The following FBXL2 variants were observed in gnomAD, a reference collection of about 807,000 sequenced individuals.
The protein encoded by FBXL2 is F-box and leucine rich repeat protein 2.
A neutral mutation model predicts 69.2 loss-of-function variants in FBXL2; 38 were observed. The observed-to-expected ratio is 0.55, with a 90% CI of 0.42 to 0.72. The LOEUF is 0.72. FBXL2 is among the 30% of genes least tolerant of loss of function. The pLI, the probability that FBXL2 is intolerant of heterozygous loss-of-function variation, is 0.00. For missense variants in FBXL2, 354 were observed against 520.3 expected (o/e 0.68, Z 3.11); for synonymous variants, 192 against 201.3 (o/e 0.95, Z 0.39).
At position 33,386,126 on chromosome 3, in the gene FBXL2, G is replaced by GTT. The variant is rs2154052762; in HGVS notation, c.*521_*522dup. The GTT allele has an allele frequency of 6.0e-6, 1 of 165,862 alleles. No homozygotes were observed. Among genetic ancestry groups the GTT allele is most frequent in the South Asian group, 1.4e-4 (1 of 7,128 alleles). 10.3% of individuals were successfully genotyped at this position (165,862 alleles called of 1,614,324 possible). A position where few individuals can be genotyped will look rare whatever the true frequency, so the allele number is the denominator to read the frequency against. On this transcript the variant is annotated 3_prime_UTR_variant, in exon 15 of 15. Coordinates refer to ENST00000484457, the MANE Select transcript of FBXL2 (RefSeq NM_012157.5). The stretch of plus-strand genomic sequence containing the variant: ...GCAAATTAATTCATAATGCCTGATA[G>GTT]TTTTATATATAGAGACTTATGTGGA...
intron 12 of FBXL2, among the ~76,000 whole-genome samples, chr3:33,395,704 A>T (rs2043952359): frequency 1.4e-5 from 2 of 143,660 alleles, no homozygotes; most frequent in South Asian, 4.6e-4. Context: ...ACTGTTGCAC[A>T]TATGTTATGC....
chr3:33,419,324 G>A, the FBXL2 span, among the ~76,000 whole-genome samples: 163 of 152,056 alleles, frequency 1.1e-3, 1 homozygote, highest in African/African-American at 3.4e-3. Flanking sequence ...GTGAAACCCC[G>A]TCTCTACTAA....
Position 33,323,434 on chromosome 3 carries a change from A to G in FBXL2, c.65+25709A>G, listed in dbSNP as rs180721457. 3.2e-3 allele frequency among the ~76,000 whole-genome samples: 489 copies of G among 152,184 alleles called. 2 individuals are homozygous for G. Among genetic ancestry groups the G allele is most frequent in the South Asian group, 0.012 (57 of 4,818 alleles). The stretch of plus-strand genomic sequence containing the variant: ...CATCAACCTGCCATCTACATTAGGT[A>G]TTTCTCCAAATGATATCCCTCCCCT... On this transcript the variant is annotated intron_variant, in intron 2 of 14. Coordinates refer to ENST00000484457, the MANE Select transcript of FBXL2 (RefSeq NM_012157.5).
chr3:33,332,115 A>G (rs1468137528), intron 2 of FBXL2, among the ~76,000 whole-genome samples: 1 of 152,168 alleles, frequency 6.6e-6, no homozygotes, highest in Non-Finnish European at 1.5e-5. Flanking sequence ...CCTAGATACA[A>G]TATAATAAAA....
At position 33,384,209 on chromosome 3, in the gene FBXL2, T is replaced by G; in HGVS notation, c.1164+8T>G. ...GGCATCAAGCGGATGCGGGTAGGTA[T>G]GGGGCAGGGGAGTCAGTCACACCTG... On this transcript the variant is annotated splice_region_variant and intron_variant, in intron 14 of 14. Coordinates refer to ENST00000484457, the MANE Select transcript of FBXL2 (RefSeq NM_012157.5). 1.2e-6 allele frequency: 2 copies of G among 1,613,288 alleles called. No individual in the cohort carries two copies. Among genetic ancestry groups the G allele is most frequent in the Non-Finnish European group, 1.7e-6 (2 of 1,179,620 alleles).
intron 12 of FBXL2, among the ~76,000 whole-genome samples, chr3:33,402,105 C>T (rs919570579): frequency 1.3e-4 from 20 of 152,128 alleles, no homozygotes; most frequent in African/African-American, 4.8e-4. Flanking sequence ...ATTTTCCTCC[C>T]CAACAAGAAA....
At chr3:33,390,537 A>C, downstream of FBXL2, 1 of 688,394 alleles carries the variant, frequency 1.5e-6, no homozygotes, top group South Asian at 1.9e-5. Context: ...TTCCCCCAAA[A>C]AACTTCATGT....
intron 5 of FBXL2, 98 bp from the exon 6 acceptor site, chr3:33,372,994 G>GT (rs1324060144): frequency 2.0e-6 from 2 of 1,008,568 alleles, no homozygotes; most frequent in Non-Finnish European, 3.2e-6. Flanking sequence ...CTTTAATTAA[G>GT]TTTGAGGGAG....
At chr3:33,337,675 A>G (rs2039698168) in intron 2 of FBXL2, among the ~76,000 whole-genome samples, 1 of 152,210 alleles carries the variant, frequency 6.6e-6, no homozygotes, top group Admixed American at 6.5e-5. Context: ...AAGTCAAACT[A>G]TCAGTCTTCT....
chr3:33,336,564 A>G (rs1229111227), intron 2 of FBXL2, among the ~76,000 whole-genome samples: 1 of 152,216 alleles, frequency 6.6e-6, no homozygotes, highest in African/African-American at 2.4e-5. Flanking sequence ...TATCTTCATA[A>G]CCATTTAAAA....
At chr3:33,410,516 A>G in the FBXL2 span, among the ~76,000 whole-genome samples, 2 of 152,228 alleles carry the variant, frequency 1.3e-5, no homozygotes, top group Non-Finnish European at 2.9e-5. Context: ...GTAGAATACC[A>G]AAATGCAAAA....
At chr3:33,402,925 A>T (rs1366212393) in intron 12 of FBXL2, 21 of 1,564,700 alleles carry the variant, frequency 1.3e-5, no homozygotes, top group Non-Finnish European at 1.7e-5. Context: ...AAACAGAAAT[A>T]AATTAGTGAT....
intron 9 of FBXL2, 77 bp from the exon 10 acceptor site, chr3:33,375,211 G>A: frequency 1.9e-6 from 3 of 1,562,394 alleles, no homozygotes; most frequent in Non-Finnish European, 2.6e-6. Flanking sequence ...CTGAACAACA[G>A]CAGATACTTT....
intron 4 of FBXL2, among the ~76,000 whole-genome samples, chr3:33,363,100 G>T (rs2041740407): frequency 6.6e-6 from 1 of 152,114 alleles, no homozygotes; most frequent in Non-Finnish European, 1.5e-5. Flanking sequence ...GACTGCAGTG[G>T]CATGATCTTG....
chr3:33,326,697 G>A (rs141509364), intron 2 of FBXL2, among the ~76,000 whole-genome samples: 2 of 152,228 alleles, frequency 1.3e-5, no homozygotes, highest in East Asian at 3.9e-4. Flanking sequence ...TATGAGCACA[G>A]GCTTAATGGT....
downstream of FBXL2, chr3:33,392,334 T>C (rs1420307205): frequency 3.3e-5 from 15 of 448,638 alleles, no homozygotes; most frequent in Non-Finnish European, 5.5e-5. Context: ...CAGTAAGACG[T>C]TGGCTGAATG....
intron 2 of FBXL2, among the ~76,000 whole-genome samples, chr3:33,332,701 C>G (rs1365730907): frequency 6.6e-6 from 1 of 152,136 alleles, no homozygotes; most frequent in East Asian, 1.9e-4. Flanking sequence ...ATATGGTAGC[C>G]TATTGCTCCT....
chr3:33,400,820 C>A, intron 12 of FBXL2: 1 of 774,898 alleles, frequency 1.3e-6, no homozygotes, highest in Non-Finnish European at 2.1e-6. Flanking sequence ...TGATGGACAC[C>A]CAAAATATCC....
intron 4 of FBXL2, among the ~76,000 whole-genome samples, chr3:33,362,381 T>G (rs982003820): frequency 6.6e-6 from 1 of 152,226 alleles, no homozygotes; most frequent in African/African-American, 2.4e-5. Flanking sequence ...TAGGGCTTAT[T>G]TTTCTCTAAA....
Sources: allele counts gnomAD v4.1 joint callset (sites outside exome capture counted in the v4.1 genomes callset), GRCh38; gene constraint gnomAD v4.1.1; transcripts MANE v1.5; gene names NCBI Gene and HGNC (gene_info 2026-07-23, HGNC 2026-07-21).